SMC3: variants seen among roughly 807,000 people sequenced by gnomAD.
SMC3 encodes structural maintenance of chromosomes protein 3.
SMC3 carries 20 observed loss-of-function variants against 171.8 expected under a neutral mutation model. The observed-to-expected ratio is 0.12, with a 90% confidence interval of 0.08 to 0.17. The LOEUF is 0.17. Among genes scored for constraint, SMC3 ranks in the 10% least tolerant of loss-of-function variants. SMC3 has a pLI of 1.00. For missense variants in SMC3, 543 were observed against 1,420.4 expected (o/e 0.38, Z 9.93); for synonymous variants, 464 against 451.1 (o/e 1.03, Z -0.36).
At position 110,574,709 on chromosome 10, in the gene SMC3, C is replaced by T. The variant is rs144759463; in HGVS notation, c.131-627C>T. On this transcript the variant is annotated intron_variant, in intron 3 of 28. Coordinates refer to ENST00000361804, the MANE Select transcript of SMC3 (RefSeq NM_005445.4). ...CACCACCTCCACACACACACAGTGC[C>T]AGAGGTCTCTTGGGTGGACTGGGAC... Among the ~76,000 whole-genome samples, 1,323 of 152,088 alleles carry T rather than the reference C, an allele frequency of 8.7e-3. 8 individuals carry two copies. The highest frequency in any genetic ancestry group is 0.014 in the Admixed American group (217 of 15,284).
chr10:110,604,191 T>C (rs1324149784), intron 28 of SMC3, 40 bp from the exon 29 acceptor site: 2 of 1,249,204 alleles, frequency 1.6e-6, no homozygotes, highest in Non-Finnish European at 2.4e-6. Flanking sequence ...TAAACACTGA[T>C]GTAATTAACA....
At chr10:110,583,770 A>G in intron 11 of SMC3, 71 bp from the exon 12 acceptor site, 2 of 1,545,808 alleles carry the variant, frequency 1.3e-6, no homozygotes, top group Non-Finnish European at 1.8e-6. Flanking sequence ...TTTTTTCCTG[A>G]GAAAACATTT....
chr10:110,578,637 T>C lies in SMC3; in HGVS notation c.360T>C (p.Asp120=). Residue 120 remains aspartate, a synonymous_variant, in exon 7 of 29, where the codon GAT becomes GAC. Transcript: ENST00000361804. ...CATTGTTTGTCAACAGGAAAAATGA[T>C]GTGATGAACCTCCTTGAAAGCGCTG... ...FLDKKMVTKN[D]VMNLLESAGF... is the part of the protein sequence containing the mutation. The C allele has an allele frequency of 6.2e-7, 1 of 1,607,986 alleles. No individual in the cohort carries two copies. The highest frequency in any genetic ancestry group is 2.2e-5 in the East Asian group (1 of 44,792).
At chr10:110,583,355 C>G (rs767103498) in intron 10 of SMC3, 29 bp from the exon 11 acceptor site, 2 of 1,588,204 alleles carry the variant, frequency 1.3e-6, no homozygotes, top group Non-Finnish European at 1.7e-6. Flanking sequence ...TTCTAATTGC[C>G]TTATTTTCTG....
At position 110,601,629 on chromosome 10, in the gene SMC3, C is replaced by T. The variant is rs886046695; in HGVS notation, c.2645-8C>T. 5 of 1,610,000 alleles carry T rather than the reference C, an allele frequency of 3.1e-6. No individual in the cohort carries two copies. The highest frequency in any genetic ancestry group is 1.7e-5 in the Admixed American group (1 of 59,984). On this transcript the variant is annotated splice_region_variant and splice_polypyrimidine_tract_variant and intron_variant, in intron 23 of 28. Coordinates refer to ENST00000361804, the MANE Select transcript of SMC3 (RefSeq NM_005445.4). The stretch of plus-strand genomic sequence containing the variant: ...ATTATAGCCTAATTTTGTTTCCCCC[C>T]ATCTTAGATTTGGACAATTCCATTG...
Position 110,571,943 on chromosome 10 carries a change from C to G in SMC3, c.92-1764C>G, listed in dbSNP as rs183980362. On this transcript the variant is annotated intron_variant, in intron 2 of 28. Coordinates refer to ENST00000361804, the MANE Select transcript of SMC3 (RefSeq NM_005445.4). ...ATTGCTATATAGTGTTCCACTCTAGCAGTAATTCTTAAAAGGAAATTCTTA... is the reference window on the plus strand; with the variant it reads ...ATTGCTATATAGTGTTCCACTCTAGGAGTAATTCTTAAAAGGAAATTCTTA... Among the ~76,000 whole-genome samples, 20 of 152,230 alleles carry G rather than the reference C, an allele frequency of 1.3e-4. No individual in the cohort carries two copies. The East Asian group carries it at 2.1e-3, about 16-fold the overall frequency.
At chr10:110,595,484 A>C (rs554415635) in intron 18 of SMC3, among the ~76,000 whole-genome samples, 1 of 152,334 alleles carries the variant, frequency 6.6e-6, no homozygotes, top group African/African-American at 2.4e-5. Flanking sequence ...TCACCTGCAG[A>C]TCTCTCCGTT....
intron 13 of SMC3, among the ~76,000 whole-genome samples, chr10:110,588,678 C>T (rs551724430): frequency 6.6e-6 from 1 of 152,282 alleles, no homozygotes; most frequent in South Asian, 2.1e-4. Context: ...GATGAAGTGT[C>T]AGCTTCCTTA....
At chr10:110,572,575 A>G (rs1034177635) in intron 2 of SMC3, among the ~76,000 whole-genome samples, 3 of 152,166 alleles carry the variant, frequency 2.0e-5, no homozygotes, top group East Asian at 1.9e-4. Context: ...CTTATTGATG[A>G]TATTACTTTT....
intron 19 of SMC3, 123 bp from the exon 20 acceptor site, chr10:110,598,016 T>A (rs1000002273): frequency 1.2e-5 from 10 of 857,582 alleles, no homozygotes; most frequent in Non-Finnish European, 1.5e-5. Context: ...TCCATAAATT[T>A]GAGGACATAA....
At chr10:110,574,122 A>G (rs1860912946) in intron 3 of SMC3, among the ~76,000 whole-genome samples, 1 of 152,246 alleles carries the variant, frequency 6.6e-6, no homozygotes, top group South Asian at 2.1e-4. Context: ...TTTTAAACGT[A>G]TGTAAATGCA....
In SMC3 at chr10:110,577,431, G is replaced by C; in HGVS notation, c.209G>C (p.Gly70Ala). Reference sequence around the variant, plus strand: ...TTCTTTCATTTTTAGGAAGGTACTGGTCCTCGTGTTATTTCTGCTTTTGTG... The same window carrying C: ...TTCTTTCATTTTTAGGAAGGTACTGCTCCTCGTGTTATTTCTGCTTTTGTG... Reference protein sequence around the residue: ...QRLALLHEGTGPRVISAFVEI... With the variant: ...QRLALLHEGTAPRVISAFVEI... Residue 70 changes from glycine to alanine, a missense_variant, in exon 5 of 29, where the codon GGT becomes GCT. Physicochemically the swap from Gly to Ala is moderately conservative, Grantham distance 60 (BLOSUM62 0). This residue lies in a region of SMC3 where 146 missense variants were observed against 437.9 expected (regional missense o/e 0.33). Coordinates refer to ENST00000361804, the MANE Select transcript of SMC3 (RefSeq NM_005445.4). 6.2e-7 allele frequency: 1 copy of C among 1,611,980 alleles called. No individual in the cohort carries two copies. The highest frequency in any genetic ancestry group is 8.5e-7 in the Non-Finnish European group (1 of 1,178,324).
chr10:110,586,674 T>G (rs1370398627), intron 13 of SMC3, among the ~76,000 whole-genome samples: 1 of 152,210 alleles, frequency 6.6e-6, no homozygotes, highest in Non-Finnish European at 1.5e-5. Flanking sequence ...AATAGCCTTT[T>G]TTTTGAGACA....
chr10:110,583,764 T>G, intron 11 of SMC3, 77 bp from the exon 12 acceptor site: 2 of 1,530,470 alleles, frequency 1.3e-6, no homozygotes, highest in Non-Finnish European at 1.8e-6. Context: ...TGAAGTTTTT[T>G]TCCTGAGAAA....
chr10:110,583,182 A>G (rs987136279), intron 10 of SMC3, among the ~76,000 whole-genome samples: 19 of 152,188 alleles, frequency 1.2e-4, no homozygotes, highest in Non-Finnish European at 2.5e-4. Flanking sequence ...ATGAGCAACC[A>G]TGTCCAGCCA....
rs143271597 is a variant in SMC3 at position 110,579,924 on chromosome 10, G to A, written c.430-980G>A. ...ATATATTAAGTTGCATGGCACTTAAGTTGTACCATTCTCTCTATATTTAAA... is the reference window on the plus strand; with the variant it reads ...ATATATTAAGTTGCATGGCACTTAAATTGTACCATTCTCTCTATATTTAAA... On this transcript the variant is annotated intron_variant, in intron 7 of 28. Coordinates refer to ENST00000361804, the MANE Select transcript of SMC3 (RefSeq NM_005445.4). 1.0e-3 allele frequency among the ~76,000 whole-genome samples: 155 copies of A among 152,242 alleles called. 1 individual carries two copies. Among genetic ancestry groups the A allele is most frequent in the East Asian group, 5.2e-3 (27 of 5,186 alleles).
rs1890920 is a variant in SMC3, at chr10:110,599,982, A to T, written c.2427+170A>T. ...AATAAGATTTTGTTTTTCTAAACCAATCTAGCTAGGTTAGGATTATACAAG... is the reference window on the plus strand; with the variant it reads ...AATAAGATTTTGTTTTTCTAAACCATTCTAGCTAGGTTAGGATTATACAAG... On this transcript the variant is annotated intron_variant, in intron 21 of 28. Coordinates refer to ENST00000361804, the MANE Select transcript of SMC3 (RefSeq NM_005445.4). Among the ~76,000 whole-genome samples, 147,490 of 152,342 alleles carry T rather than the reference A, an allele frequency of 0.97. 71,453 individuals carry two copies. Among genetic ancestry groups the T allele is most frequent in the South Asian group, 1 (4,802 of 4,826 alleles).
chr10:110,590,623 A>C (rs1319528408), intron 16 of SMC3, 51 bp downstream of exon 16: 1 of 1,503,634 alleles, frequency 6.7e-7, no homozygotes, highest in Admixed American at 1.7e-5. Context: ...GAATAAGAAT[A>C]GCTTAAACAA....
At position 110,589,716 on chromosome 10, in the gene SMC3, T is replaced by G. The variant is rs1267944615; in HGVS notation, c.1409+8T>G. On this transcript the variant is annotated splice_region_variant and intron_variant, in intron 14 of 28. Coordinates refer to ENST00000361804, the MANE Select transcript of SMC3 (RefSeq NM_005445.4). ...ACTACAAAGTGAAAGAAAGTTAGTA[T>G]AGACTAAAATGTGCATTAATGTTTT... 1 of 1,532,686 alleles carries G rather than the reference T, an allele frequency of 6.5e-7. No individual in the cohort carries two copies. Among genetic ancestry groups the G allele is most frequent in the Non-Finnish European group, 9.0e-7 (1 of 1,107,502 alleles). The allele number at this position is 1,532,686 out of a possible 1,614,324, so 94.9% of individuals were successfully genotyped here.
Sources: gnomAD v4.1 joint callset for allele counts (sites outside exome capture counted in the v4.1 genomes callset) on GRCh38, gnomAD v4.1.1 for gene constraint, gnomAD v4.1.1 regional missense constraint, MANE v1.5 for transcripts, NCBI Gene and HGNC (gene_info 2026-07-23, HGNC 2026-07-21) for gene names.